Variants in PTPRQ observed in about 807,000 individuals in gnomAD.
The protein encoded by PTPRQ is protein tyrosine phosphatase receptor type Q.
PTPRQ carries 199 observed loss-of-function variants against 246.0 expected under a neutral mutation model. The observed-to-expected ratio is 0.81, with a 90% CI of 0.72 to 0.91. PTPRQ has a LOEUF of 0.91. PTPRQ is among the 40% of genes least tolerant of loss of function. The probability of loss-of-function intolerance (pLI) is 0.00; values close to 1 mark genes in which losing one functional copy is unlikely to be tolerated. For missense variants in PTPRQ, 2,624 were observed against 2,528.4 expected, an observed-to-expected ratio of 1.04 and a Z score of -0.81; for synonymous variants, 869 against 853.2, an observed-to-expected ratio of 1.02 and a Z score of -0.32.
chr12:80,636,230 C>G (rs550107906), intron 35 of PTPRQ, among the ~76,000 whole-genome samples: 1 of 152,270 alleles, frequency 6.6e-6, no homozygotes, highest in South Asian at 2.1e-4. Context: ...ATGGATAGTA[C>G]TCCAAAGATT....
chr12:80,463,068 C>T (rs7300448), intron 6 of PTPRQ, among the ~76,000 whole-genome samples: 44,361 of 151,846 alleles, frequency 0.29, 6,848 homozygotes, highest in African/African-American at 0.36. Context: ...CAAACTACTC[C>T]GAGCTACAGG....
At chr12:80,538,776 T>TA (rs1296343379) in intron 19 of PTPRQ, among the ~76,000 whole-genome samples, 42 of 105,504 alleles carry the variant, frequency 4.0e-4, no homozygotes, top group Non-Finnish European at 8.6e-4. Context: ...TGTTTTTTTT[T>TA]AATTGTGTGC....
intron 41 of PTPRQ, 117 bp downstream of exon 41, chr12:80,669,581 T>C: frequency 7.4e-7 from 1 of 1,348,552 alleles, no homozygotes. Context: ...TATTCAACAA[T>C]GCTTTTGTAT....
Position 80,444,362 on chromosome 12 carries a change from T to C in PTPRQ, c.17T>C (p.Ile6Thr). 1 of 1,470,884 alleles carries C rather than the reference T, an allele frequency of 6.8e-7. No individual in the cohort carries two copies. Among genetic ancestry groups the C allele is most frequent in the Non-Finnish European group, 9.3e-7 (1 of 1,076,778 alleles). 91.1% of individuals were successfully genotyped at this position (1,470,884 alleles called of 1,614,324 possible). ...GTAATAAAGATGGATTTTCTTATCA[T>C]TTTTCTTTTACTTTTTATTGGGACT... is the stretch of plus-strand genomic sequence containing the variant. Reference protein sequence around the residue: MDFLIIFLLLFIGTSE... With the variant: MDFLITFLLLFIGTSE... The change falls in exon 1 of 45, where the codon ATT becomes ACT. Residue 6 changes from isoleucine to threonine, a missense_variant. Coordinates refer to ENST00000644991, the MANE Select transcript of PTPRQ (RefSeq NM_001145026.2).
chr12:80,533,467 C>A (rs1895901356), intron 17 of PTPRQ, among the ~76,000 whole-genome samples: 1 of 151,942 alleles, frequency 6.6e-6, no homozygotes, highest in South Asian at 2.1e-4. Flanking sequence ...GATATACATA[C>A]GTTGTTTCCA....
chr12:80,616,140 T>TAC, intron 29 of PTPRQ, 60 bp from the exon 30 acceptor site: 1 of 1,229,986 alleles, frequency 8.1e-7, no homozygotes, highest in Non-Finnish European at 1.1e-6. Context: ...TATATATATA[T>TAC]ATACACACAC....
intron 17 of PTPRQ, among the ~76,000 whole-genome samples, chr12:80,525,288 A>G (rs1432589052): frequency 5.3e-5 from 8 of 152,178 alleles, no homozygotes; most frequent in Non-Finnish European, 1.0e-4. Context: ...TGTTTCAAGT[A>G]CTGGACTCAT....
At chr12:80,617,147 C>T (rs1898793771) in intron 30 of PTPRQ, among the ~76,000 whole-genome samples, 1 of 151,152 alleles carries the variant, frequency 6.6e-6, no homozygotes, top group South Asian at 2.1e-4. Context: ...GGATTAGCCA[C>T]TTGATATCTA....
intron 3 of PTPRQ, among the ~76,000 whole-genome samples, chr12:80,454,907 T>G (rs1018485273): frequency 2.6e-4 from 40 of 152,238 alleles, no homozygotes; most frequent in Non-Finnish European, 1.2e-4. Flanking sequence ...CTGGGTGCAG[T>G]GCCTCATGCC....
chr12:80,449,769 G>C (rs1233729045), intron 3 of PTPRQ, among the ~76,000 whole-genome samples: 3 of 152,158 alleles, frequency 2.0e-5, no homozygotes, highest in East Asian at 3.8e-4. Flanking sequence ...TGCTGTTTTG[G>C]TTACTGTAGC....
At chr12:80,649,062 T>G in intron 36 of PTPRQ, 139 bp downstream of exon 36, 1 of 770,012 alleles carries the variant, frequency 1.3e-6, no homozygotes, top group Non-Finnish European at 1.9e-6. Flanking sequence ...CATAAAAGCA[T>G]GACTAATTGC....
At chr12:80,565,937 A>G (rs549013623) in intron 25 of PTPRQ, among the ~76,000 whole-genome samples, 1 of 152,278 alleles carries the variant, frequency 6.6e-6, no homozygotes, top group South Asian at 2.1e-4. Flanking sequence ...CTATGAGATT[A>G]AACACATTCA....
chr12:80,454,759 A>G (rs1384587783), intron 3 of PTPRQ, among the ~76,000 whole-genome samples: 2 of 152,194 alleles, frequency 1.3e-5, no homozygotes, highest in East Asian at 3.8e-4. Context: ...AAAATATTGA[A>G]AAAAAAACTT....
intron 3 of PTPRQ, among the ~76,000 whole-genome samples, chr12:80,449,708 G>A (rs1892683672): frequency 6.6e-6 from 1 of 152,028 alleles, no homozygotes; most frequent in South Asian, 2.1e-4. Flanking sequence ...TGATTTCGGA[G>A]GGCTCTGTTC....
chr12:80,671,696 A>G (rs1233684943), intron 42 of PTPRQ, among the ~76,000 whole-genome samples: 2 of 152,070 alleles, frequency 1.3e-5, no homozygotes, highest in Non-Finnish European at 2.9e-5. Flanking sequence ...AAAGTTCTAG[A>G]AATTTGATGT....
chr12:80,538,765 C>T (rs1896061389), intron 19 of PTPRQ, among the ~76,000 whole-genome samples: 1 of 145,986 alleles, frequency 6.8e-6, no homozygotes, highest in African/African-American at 2.6e-5. Flanking sequence ...AAACTAATTA[C>T]TGTTTTTTTT....
At chr12:80,624,701 A>G (rs764334273) in intron 33 of PTPRQ, among the ~76,000 whole-genome samples, 14 of 152,156 alleles carry the variant, frequency 9.2e-5, no homozygotes, top group Non-Finnish European at 1.9e-4. Flanking sequence ...TCGTGGTTCT[A>G]TGGAGATTAG....
At chr12:80,499,627 T>C (rs1894735614) in intron 14 of PTPRQ, among the ~76,000 whole-genome samples, 1 of 152,058 alleles carries the variant, frequency 6.6e-6, no homozygotes, top group Admixed American at 6.6e-5. Flanking sequence ...AACTCAGTGA[T>C]GTGTTAATAT....
At chr12:80,668,312 T>A (rs1900852312) in intron 39 of PTPRQ, among the ~76,000 whole-genome samples, 1 of 151,878 alleles carries the variant, frequency 6.6e-6, no homozygotes, top group Admixed American at 6.6e-5. Flanking sequence ...CACAAGGATG[T>A]CATAATAGAT....
Sources: gnomAD v4.1 joint callset for allele counts (sites outside exome capture counted in the v4.1 genomes callset) on GRCh38, gnomAD v4.1.1 for gene constraint, MANE v1.5 for transcripts, NCBI Gene and HGNC (gene_info 2026-07-23, HGNC 2026-07-21) for gene names.